The following AFP variants were observed in gnomAD, a reference collection of about 807,000 sequenced individuals.
AFP encodes alpha-fetoprotein.
In AFP, 64 loss-of-function variants were observed where a neutral mutation model predicts 78.9. That is an observed-to-expected ratio of 0.81 (90% CI 0.66 to 1.00). The LOEUF is 1.00. Ranked by LOEUF, AFP falls within the 50% of genes least tolerant of loss-of-function variation. The probability of loss-of-function intolerance (pLI) is 0.00; values close to 1 mark genes in which losing one functional copy is unlikely to be tolerated. For missense variants in AFP, 689 were observed against 703.8 expected, an observed-to-expected ratio of 0.98 and a Z score of 0.24; for synonymous variants, 254 against 243.8, an observed-to-expected ratio of 1.04 and a Z score of -0.39.
At chr4:73,447,990 C>G (rs1048440439) in intron 8 of AFP, among the ~76,000 whole-genome samples, 17 of 151,984 alleles carry the variant, frequency 1.1e-4, no homozygotes, top group Admixed American at 3.3e-4. Flanking sequence ...CATATCAAGG[C>G]CACCATTGAA....
chr4:73,455,874 G>C lies in AFP; in HGVS notation c.*254G>C, dbSNP rs1371872409. ...GCAGATTCTGTTAAAATAGCATTAAGTGTTGGTTATTATAGGAGATTAAAG... is the reference window on the plus strand; with the variant it reads ...GCAGATTCTGTTAAAATAGCATTAACTGTTGGTTATTATAGGAGATTAAAG... On this transcript the variant is annotated 3_prime_UTR_variant, in exon 15 of 15. Coordinates refer to ENST00000395792, the MANE Select transcript of AFP (RefSeq NM_001134.3). 2.9e-5 allele frequency: 16 copies of C among 548,304 alleles called. No homozygotes were observed. The highest frequency in any genetic ancestry group is 5.1e-5 in the Non-Finnish European group (16 of 312,664). 34.0% of individuals were successfully genotyped at this position (548,304 alleles called of 1,614,324 possible). A position where few individuals can be genotyped will look rare whatever the true frequency, so the allele number is the denominator to read the frequency against.
intron 9 of AFP, among the ~76,000 whole-genome samples, chr4:73,449,678 A>G (rs1719930603): frequency 6.6e-6 from 1 of 152,238 alleles, no homozygotes; most frequent in African/African-American, 2.4e-5. Context: ...CCTTTTGGCT[A>G]AGATCAAGTG....
chr4:73,451,804 C>T (rs1218743980), intron 11 of AFP, among the ~76,000 whole-genome samples: 3 of 152,142 alleles, frequency 2.0e-5, no homozygotes, highest in African/African-American at 4.8e-5. Context: ...AGATAAAGTG[C>T]ACACAAAACA....
chr4:73,440,344 T>C (rs72647027), intron 3 of AFP, among the ~76,000 whole-genome samples: 1 of 152,300 alleles, frequency 6.6e-6, no homozygotes, highest in Non-Finnish European at 1.5e-5. Flanking sequence ...AAAAATAAAA[T>C]AATTCAAAAT....
intron 6 of AFP, 110 bp from the exon 7 acceptor site, chr4:73,444,883 A>G: frequency 3.1e-6 from 3 of 967,354 alleles, no homozygotes; most frequent in Non-Finnish European, 3.0e-6. Context: ...ACAACAAGGG[A>G]ATTTCAGTCA....
chr4:73,451,244 A>G (rs1056352149), intron 11 of AFP, among the ~76,000 whole-genome samples: 3 of 152,196 alleles, frequency 2.0e-5, no homozygotes, highest in Admixed American at 1.3e-4. Context: ...TTCGCAGGGT[A>G]TAGGGTACAG....
chr4:73,450,237 C>T (rs1719949920), intron 10 of AFP, 104 bp downstream of exon 10: 2 of 989,486 alleles, frequency 2.0e-6, no homozygotes, highest in African/African-American at 1.6e-5. Context: ...CCTGTGAGGT[C>T]TGATCTGTGG....
At chr4:73,444,056 A>G (rs971463725) in intron 6 of AFP, among the ~76,000 whole-genome samples, 14 of 152,170 alleles carry the variant, frequency 9.2e-5, no homozygotes, top group Non-Finnish European at 1.9e-4. Context: ...TAGTAAGTAT[A>G]TATATTCAGA....
At chr4:73,446,291 C>T (rs569240734) in intron 7 of AFP, among the ~76,000 whole-genome samples, 4 of 152,214 alleles carry the variant, frequency 2.6e-5, no homozygotes, top group African/African-American at 4.8e-5. Flanking sequence ...CCATTTTGAA[C>T]GGACAATTTT....
chr4:73,447,779 C>T, intron 8 of AFP, 103 bp downstream of exon 8: 1 of 973,810 alleles, frequency 1.0e-6, no homozygotes, highest in South Asian at 1.4e-5. Context: ...TTTTTGAGTT[C>T]AATATGTGAG....
intron 8 of AFP, among the ~76,000 whole-genome samples, chr4:73,448,472 A>G (rs749495134): frequency 6.6e-6 from 1 of 152,138 alleles, no homozygotes. Context: ...TTGCCTGAAG[A>G]TATTACTCTA....
chr4:73,439,181 T>C (rs914655517), intron 3 of AFP, among the ~76,000 whole-genome samples: 1 of 152,132 alleles, frequency 6.6e-6, no homozygotes, highest in African/African-American at 2.4e-5. Context: ...ACAAATAATA[T>C]TTATTATTTA....
At chr4:73,437,508 C>A (rs1025621648) in intron 2 of AFP, among the ~76,000 whole-genome samples, 1 of 151,998 alleles carries the variant, frequency 6.6e-6, no homozygotes, top group African/African-American at 2.4e-5. Flanking sequence ...AGGAATTTTT[C>A]TCATCAGTAC....
chr4:73,451,220 A>G (rs1719982444), intron 11 of AFP, among the ~76,000 whole-genome samples: 1 of 152,210 alleles, frequency 6.6e-6, no homozygotes, highest in Non-Finnish European at 1.5e-5. Flanking sequence ...GACATCAGGA[A>G]TAATTGGTTC....
chr4:73,449,494 G>A (rs1719925553), intron 9 of AFP, 27 bp downstream of exon 9: 13 of 1,612,580 alleles, frequency 8.1e-6, no homozygotes, highest in Non-Finnish European at 1.1e-5. Context: ...TTTTAGGGGA[G>A]TATGAAAAAC....
chr4:73,437,458 G>A (rs1454234013), intron 2 of AFP, among the ~76,000 whole-genome samples: 1 of 151,974 alleles, frequency 6.6e-6, no homozygotes, highest in Non-Finnish European at 1.5e-5. Flanking sequence ...TTTAGAAACT[G>A]AAGATTAGTG....
rs1402960792 is a variant in AFP, at chr4:73,442,436, A to G, written c.615+8A>G. The G allele has an allele frequency of 6.2e-7, 1 of 1,613,940 alleles. No individual in the cohort carries two copies. Among genetic ancestry groups the G allele is most frequent in the East Asian group, 2.2e-5 (1 of 44,854 alleles). ...GAATGCTTCCAAACAAAGGTATCAT[A>G]TTTGCGTGGATATCTGAACCAGTAC... On this transcript the variant is annotated splice_region_variant and intron_variant, in intron 5 of 14. Transcript: ENST00000395792.
chr4:73,446,025 T>C (rs565530854), intron 7 of AFP, among the ~76,000 whole-genome samples: 2 of 152,118 alleles, frequency 1.3e-5, no homozygotes, highest in Non-Finnish European at 2.9e-5. Flanking sequence ...TGGACTATGG[T>C]TTCCAGAAGG....
At position 73,449,404 on chromosome 4, in the gene AFP, A is replaced by T. The variant is rs1719921268; in HGVS notation, c.1128A>T (p.Gly376=). Residue 376 remains glycine (G), a synonymous_variant, in exon 9 of 15, where the codon GGA becomes GGT. Coordinates refer to ENST00000395792, the MANE Select transcript of AFP (RefSeq NM_001134.3). ...AVSVILRVAK[G]YQELLEKCFQ... ...CAGTAATTCTAAGAGTTGCTAAAGGATACCAGGAGTTATTGGAGAAGTGTT... is the reference window on the plus strand; with the variant it reads ...CAGTAATTCTAAGAGTTGCTAAAGGTTACCAGGAGTTATTGGAGAAGTGTT... The T allele has an allele frequency of 2.5e-6, 4 of 1,613,616 alleles. No homozygotes were observed. Among genetic ancestry groups the T allele is most frequent in the Middle Eastern group, 1.7e-4 (1 of 6,056 alleles).
Sources: allele counts gnomAD v4.1 joint callset (sites outside exome capture counted in the v4.1 genomes callset), GRCh38; gene constraint gnomAD v4.1.1; transcripts MANE v1.5; gene names NCBI Gene and HGNC (gene_info 2026-07-23, HGNC 2026-07-21).